MCPH1: variants seen among roughly 807,000 people sequenced by gnomAD.
MCPH1 encodes the protein microcephalin.
MCPH1 carries 104 observed loss-of-function variants against 84.5 expected under a neutral mutation model. The observed-to-expected ratio is 1.23, with a 90% CI of 1.05 to 1.45. The LOEUF (loss-of-function observed/expected upper bound fraction) is 1.45, where lower values mean the gene tolerates loss of function less well. Ranked by LOEUF, MCPH1 falls within the 40% of genes most tolerant of loss-of-function variation. MCPH1 has a pLI of 0.00. For synonymous variants in MCPH1, 514 were observed against 366.8 expected (o/e 1.40, Z -4.58); for missense variants, 1,498 against 1,005.7 (o/e 1.49, Z -6.62).
Position 6,473,086 on chromosome 8 carries a change from C to T in MCPH1, c.1936-4508C>T, listed in dbSNP as rs550454818. Among the ~76,000 whole-genome samples the T allele has an allele frequency of 2.6e-5, 4 of 152,052 alleles. No homozygotes were observed. The South Asian group carries it at 8.3e-4, about 32-fold the overall frequency. On this transcript the variant is annotated intron_variant, in intron 9 of 13. Coordinates refer to ENST00000344683, the MANE Select transcript of MCPH1 (RefSeq NM_024596.5). ...ATCTTTGGAATCTAAGCCAATTATA[C>T]AGAAAAAAGAATAAGCCTTTATTTT... is the stretch of plus-strand genomic sequence containing the variant.
intron 13 of MCPH1, among the ~76,000 whole-genome samples, chr8:6,624,425 G>A (rs540954479): frequency 6.6e-6 from 1 of 151,598 alleles, no homozygotes; most frequent in Non-Finnish European, 1.5e-5. Context: ...CGTAGTGGGC[G>A]TCTCCAGTGT....
At chr8:6,579,704 A>T (rs12542610) in intron 12 of MCPH1, among the ~76,000 whole-genome samples, 28,384 of 152,172 alleles carry the variant, frequency 0.19, 2,930 homozygotes, top group Non-Finnish European at 0.24. Context: ...AAATAAAAAG[A>T]TTGTTTTAGA....
At chr8:6,551,771 G>C (rs1012395992) in intron 12 of MCPH1, among the ~76,000 whole-genome samples, 1 of 152,156 alleles carries the variant, frequency 6.6e-6, no homozygotes, top group African/African-American at 2.4e-5. Flanking sequence ...ATTAAGCATA[G>C]GTAATTAGCT....
chr8:6,433,597 C>T (rs189045761), intron 4 of MCPH1, among the ~76,000 whole-genome samples: 1,508 of 139,918 alleles, frequency 0.011, 12 homozygotes, highest in Middle Eastern at 0.032. Flanking sequence ...CATGCCACTG[C>T]ACTCCAGCCT....
chr8:6,603,105 C>T (rs1192533924), intron 12 of MCPH1, among the ~76,000 whole-genome samples: 1 of 151,842 alleles, frequency 6.6e-6, no homozygotes, highest in Admixed American at 6.6e-5. Context: ...TCTCAGTTTC[C>T]CCAAAAATGA....
At chr8:6,614,393 C>A (rs1830591490) in intron 12 of MCPH1, among the ~76,000 whole-genome samples, 1 of 152,212 alleles carries the variant, frequency 6.6e-6, no homozygotes, top group South Asian at 2.1e-4. Flanking sequence ...TCCCCTCACC[C>A]CCATCTCCTC....
chr8:6,623,715 A>AAC (rs1831744678), intron 13 of MCPH1, among the ~76,000 whole-genome samples: 1 of 3,002 alleles, frequency 3.3e-4, no homozygotes, highest in Non-Finnish European at 1.1e-3. Flanking sequence ...AAAAAAAAAA[A>AAC]AAACTATTGA....
chr8:6,436,246 A>G (rs1802621730), intron 5 of MCPH1, 84 bp downstream of exon 5: 1 of 1,395,034 alleles, frequency 7.2e-7, no homozygotes, highest in Non-Finnish European at 1.0e-6. Flanking sequence ...GGGGTTCAGC[A>G]TGAGAGAGCT....
At chr8:6,549,680 C>A (rs1823269870) in intron 12 of MCPH1, among the ~76,000 whole-genome samples, 1 of 142,264 alleles carries the variant, frequency 7.0e-6, no homozygotes, top group Admixed American at 7.2e-5. Flanking sequence ...GGGAAGAAGC[C>A]TTCCGTATCG....
intron 13 of MCPH1, among the ~76,000 whole-genome samples, chr8:6,642,500 C>G (rs1028018428): frequency 2.0e-5 from 3 of 152,324 alleles, no homozygotes; most frequent in Admixed American, 2.0e-4. Context: ...AGAAAGTATG[C>G]TTATTCACTT....
intron 13 of MCPH1, among the ~76,000 whole-genome samples, chr8:6,637,215 C>T (rs1184400916): frequency 6.6e-6 from 1 of 152,218 alleles, no homozygotes; most frequent in Non-Finnish European, 1.5e-5. Context: ...TGGGACTTAA[C>T]ATTTAAGAGA....
chr8:6,472,608 A>G (rs1196440329), intron 9 of MCPH1, among the ~76,000 whole-genome samples: 1 of 151,960 alleles, frequency 6.6e-6, no homozygotes, highest in Non-Finnish European at 1.5e-5. Context: ...CTGGGATTAC[A>G]GGTGCCTGCC....
chr8:6,598,723 G>A (rs1468515875), intron 12 of MCPH1, among the ~76,000 whole-genome samples: 4 of 152,266 alleles, frequency 2.6e-5, no homozygotes, highest in African/African-American at 9.6e-5. Flanking sequence ...TGTGGGTGAG[G>A]AAGCGCAGTG....
intron 9 of MCPH1, among the ~76,000 whole-genome samples, chr8:6,464,489 A>G (rs2129557757): frequency 6.6e-6 from 1 of 152,320 alleles, no homozygotes; most frequent in Non-Finnish European, 1.5e-5. Flanking sequence ...TTTGTTCACT[A>G]ACTGATTTTG....
chr8:6,418,535 C>T (rs944764641), intron 3 of MCPH1, among the ~76,000 whole-genome samples: 1 of 152,058 alleles, frequency 6.6e-6, no homozygotes, highest in African/African-American at 2.4e-5. Context: ...ATTCTTCTTC[C>T]CTTCAACATT....
chr8:6,611,682 C>G (rs1309959454), intron 12 of MCPH1, among the ~76,000 whole-genome samples: 2 of 152,094 alleles, frequency 1.3e-5, no homozygotes, highest in African/African-American at 2.4e-5. Flanking sequence ...GCAGTGGCGC[C>G]ATCTCAGCTC....
intron 12 of MCPH1, among the ~76,000 whole-genome samples, chr8:6,537,238 A>C (rs891767195): frequency 7.2e-5 from 11 of 152,048 alleles, no homozygotes; most frequent in Admixed American, 3.9e-4. Flanking sequence ...CATGAGCGTG[A>C]TCTGTAGGCA....
rs1283520388 is a variant in MCPH1, at chr8:6,500,004, A to C, written c.2214+75A>C. The C allele has an allele frequency of 6.1e-6, 8 of 1,315,046 alleles. No individual in the cohort carries two copies. The East Asian group carries it at 1.8e-4, about 30-fold the overall frequency. The allele number at this position is 1,315,046 out of a possible 1,614,324, so 81.5% of individuals were successfully genotyped here. On this transcript the variant is annotated intron_variant, in intron 12 of 13. Coordinates refer to ENST00000344683, the MANE Select transcript of MCPH1 (RefSeq NM_024596.5). Reference sequence around the variant, plus strand: ...GAAATTATTATAAACATAAGGGTGGACTTAAGTTTTTATCCAGTCAAGCAC... The same window carrying C: ...GAAATTATTATAAACATAAGGGTGGCCTTAAGTTTTTATCCAGTCAAGCAC...
At chr8:6,533,783 A>T (rs1044763177) in intron 12 of MCPH1, among the ~76,000 whole-genome samples, 1 of 151,984 alleles carries the variant, frequency 6.6e-6, no homozygotes, top group African/African-American at 2.4e-5. Flanking sequence ...TTATAGAGAA[A>T]CCATTCGTGG....
Sources: allele counts gnomAD v4.1 joint callset (sites outside exome capture counted in the v4.1 genomes callset), GRCh38; gene constraint gnomAD v4.1.1; transcripts MANE v1.5; gene names NCBI Gene and HGNC (gene_info 2026-07-23, HGNC 2026-07-21).